Variants in ST8SIA6 observed in about 807,000 individuals in gnomAD.
ST8SIA6 encodes the protein alpha-2,8-sialyltransferase 8F.
In ST8SIA6, 39 loss-of-function variants were observed where a neutral mutation model predicts 33.6. The ratio of observed to expected loss-of-function variants is 1.16; its 90% CI spans 0.90 to 1.52. The LOEUF (loss-of-function observed/expected upper bound fraction) is 1.52, where lower values mean the gene tolerates loss of function less well. ST8SIA6 is among the 40% of genes most tolerant of loss of function. The pLI, the probability that ST8SIA6 is intolerant of heterozygous loss-of-function variation, is 0.00. For missense variants in ST8SIA6, 441 were observed against 443.8 expected (o/e 0.99, Z 0.06); for synonymous variants, 172 against 167.2 (o/e 1.03, Z -0.22).
Position 17,316,073 on chromosome 10 carries a change from T to C in ST8SIA6, c.*4805A>G, listed in dbSNP as rs1169305866. On this transcript the variant is annotated 3_prime_UTR_variant, in exon 8 of 8. Transcript: ENST00000377602. ...TATTTATGTAGTAGTAAGAATATCA[T>C]ATGTGAGTATAAGAATATATATGTC... Among the ~76,000 whole-genome samples the C allele has an allele frequency of 1.3e-5, 2 of 152,022 alleles. No homozygotes were observed. The highest frequency in any genetic ancestry group is 2.9e-5 in the Non-Finnish European group (2 of 67,906).
rs58234998 is a variant in ST8SIA6, at chr10:17,374,071, C to CCACACACACA, written c.291-14481_291-14472dup. Reference sequence around the variant, plus strand: ...AGTTATCTTTTAACATCAACAACCACCACACACACACACACACACACACAC... The same window carrying CCACACACACA: ...AGTTATCTTTTAACATCAACAACCACCACACACACACACACACACACACACACACACACAC... On this transcript the variant is annotated intron_variant, in intron 3 of 7. Coordinates refer to ENST00000377602, the MANE Select transcript of ST8SIA6 (RefSeq NM_001004470.3). Among the ~76,000 whole-genome samples, 174 of 139,110 alleles carry CCACACACACA rather than the reference C, an allele frequency of 1.3e-3. 1 individual carries two copies. Among genetic ancestry groups the CCACACACACA allele is most frequent in the Admixed American group, 3.0e-3 (41 of 13,492 alleles). 91.3% of individuals were successfully genotyped at this position (139,110 alleles called of 152,430 possible). A position where few individuals can be genotyped will look rare whatever the true frequency, so the allele number is the denominator to read the frequency against.
chr10:17,352,004 G>A lies in ST8SIA6; in HGVS notation c.377+7510C>T, dbSNP rs550365100. Reference sequence around the variant, plus strand: ...CCATAGTTCCTAATAATGTATTGCAGATTTCAAAACTGCTAAAAGAGCAGA... The same window carrying A: ...CCATAGTTCCTAATAATGTATTGCAAATTTCAAAACTGCTAAAAGAGCAGA... On this transcript the variant is annotated intron_variant, in intron 4 of 7. Transcript: ENST00000377602. 3.3e-5 allele frequency among the ~76,000 whole-genome samples: 5 copies of A among 151,784 alleles called. No homozygotes were observed. The East Asian group carries it at 9.7e-4, about 29-fold the overall frequency.
chr10:17,387,751 A>C (rs1460448478), intron 3 of ST8SIA6, among the ~76,000 whole-genome samples: 3 of 152,236 alleles, frequency 2.0e-5, no homozygotes, highest in African/African-American at 4.8e-5. Context: ...TGAAAAAGTT[A>C]AGAGATTTCT....
At chr10:17,325,236 T>C (rs917211428) in intron 6 of ST8SIA6, among the ~76,000 whole-genome samples, 3 of 143,492 alleles carry the variant, frequency 2.1e-5, no homozygotes, top group Non-Finnish European at 4.5e-5. Flanking sequence ...TAGTATATTA[T>C]ATAGTATACA....
intron 2 of ST8SIA6, among the ~76,000 whole-genome samples, chr10:17,412,023 T>C (rs910328385): frequency 6.6e-6 from 1 of 151,894 alleles, no homozygotes; most frequent in Non-Finnish European, 1.5e-5. Context: ...TTTAAGCCCC[T>C]CTCGCTGCAC....
chr10:17,429,270 C>T (rs1162747491), intron 2 of ST8SIA6, among the ~76,000 whole-genome samples: 1 of 151,986 alleles, frequency 6.6e-6, no homozygotes, highest in Non-Finnish European at 1.5e-5. Flanking sequence ...ACCACCAGCA[C>T]CCCCACATAC....
chr10:17,329,740 T>A (rs1313952816), intron 5 of ST8SIA6, among the ~76,000 whole-genome samples: 3 of 152,234 alleles, frequency 2.0e-5, no homozygotes, highest in African/African-American at 4.8e-5. Context: ...CTATATGCTT[T>A]AGTATCTCAT....
chr10:17,429,056 G>T (rs564326889), intron 2 of ST8SIA6, among the ~76,000 whole-genome samples: 1 of 151,864 alleles, frequency 6.6e-6, no homozygotes, highest in East Asian at 1.9e-4. Context: ...GGGATCTGGG[G>T]CTTCATTTAA....
In ST8SIA6 at chr10:17,331,482, T is replaced by C; in HGVS notation, c.448A>G (p.Thr150Ala). The change falls in exon 5 of 8, where the codon ACT becomes GCT. Residue 150 changes from threonine to alanine, a missense_variant. Transcript: ENST00000377602. ...CTTTCCACCTCGTAACTCATATTAG[T>C]CCCAACTGGAGTGTTATTCTGAGAA... ...VVSQNNTPVG[T>A]NMSYEVESKK... The C allele has an allele frequency of 6.2e-7, 1 of 1,613,850 alleles. No homozygotes were observed.
intron 7 of ST8SIA6, among the ~76,000 whole-genome samples, chr10:17,322,226 GAAAGAA>G (rs1052381538): frequency 1.6e-5 from 2 of 124,142 alleles, no homozygotes; most frequent in African/African-American, 3.4e-5. Flanking sequence ...AGAAAAGAAA[GAAAGAA>G]AAAGAAAGAG....
chr10:17,416,613 TATACCCGGGCTTTTGACG>T (rs1851616953), intron 2 of ST8SIA6, among the ~76,000 whole-genome samples: 1 of 152,188 alleles, frequency 6.6e-6, no homozygotes, highest in Non-Finnish European at 1.5e-5. Context: ...TCTTCTCTCC[TATACCCGGGCTTTTGACG>T]ATTCAGCCGT....
intron 3 of ST8SIA6, among the ~76,000 whole-genome samples, chr10:17,390,191 A>G (rs564171890): frequency 6.6e-6 from 1 of 152,062 alleles, no homozygotes; most frequent in East Asian, 1.9e-4. Flanking sequence ...CTATGTTGCT[A>G]AGCCTGGTCT....
intron 4 of ST8SIA6, among the ~76,000 whole-genome samples, chr10:17,347,717 C>T (rs1441408640): frequency 2.0e-5 from 3 of 152,008 alleles, no homozygotes; most frequent in Non-Finnish European, 4.4e-5. Context: ...GGGTGGATCA[C>T]GAGGTCACGA....
At chr10:17,428,698 A>G (rs1661831536) in intron 2 of ST8SIA6, among the ~76,000 whole-genome samples, 1 of 152,072 alleles carries the variant, frequency 6.6e-6, no homozygotes, top group Non-Finnish European at 1.5e-5. Context: ...AGACAGAAGA[A>G]TGTGTCTGAA....
intron 2 of ST8SIA6, among the ~76,000 whole-genome samples, chr10:17,449,102 A>G (rs1486837768): frequency 6.6e-6 from 1 of 150,632 alleles, no homozygotes; most frequent in African/African-American, 2.5e-5. Flanking sequence ...ATATATAGAA[A>G]CTGAAGAAAT....
intron 3 of ST8SIA6, among the ~76,000 whole-genome samples, chr10:17,380,773 G>A (rs1252114212): frequency 1.4e-5 from 2 of 147,844 alleles, no homozygotes; most frequent in East Asian, 2.2e-4. Context: ...GTGTGTATGT[G>A]TTCATGTTTG....
intron 2 of ST8SIA6, among the ~76,000 whole-genome samples, chr10:17,410,899 A>G (rs1851425466): frequency 6.6e-6 from 1 of 152,218 alleles, no homozygotes; most frequent in African/African-American, 2.4e-5. Context: ...ATATTTAATG[A>G]AAGTGTGAGA....
chr10:17,382,984 G>C (rs1230467683), intron 3 of ST8SIA6, among the ~76,000 whole-genome samples: 2 of 152,162 alleles, frequency 1.3e-5, no homozygotes, highest in Non-Finnish European at 2.9e-5. Flanking sequence ...AAGGCTTGTG[G>C]AAGTTATATT....
intron 2 of ST8SIA6, among the ~76,000 whole-genome samples, chr10:17,431,149 C>A (rs766607780): frequency 1.3e-5 from 2 of 152,098 alleles, no homozygotes; most frequent in Non-Finnish European, 2.9e-5. Context: ...GTCCTTTTTT[C>A]TCTTCTCAAC....
Sources: gnomAD v4.1 joint callset for allele counts (sites outside exome capture counted in the v4.1 genomes callset) on GRCh38, gnomAD v4.1.1 for gene constraint, MANE v1.5 for transcripts, NCBI Gene and HGNC (gene_info 2026-07-23, HGNC 2026-07-21) for gene names.